RGS7: variants seen among roughly 807,000 people sequenced by gnomAD.
The protein encoded by RGS7 is regulator of G-protein signaling 7.
A neutral mutation model predicts 81.1 loss-of-function variants in RGS7; 27 were observed. That is an observed-to-expected ratio of 0.33 (90% CI 0.25 to 0.46). The LOEUF (loss-of-function observed/expected upper bound fraction) is 0.46. Among genes scored for constraint, RGS7 ranks in the 20% least tolerant of loss-of-function variants. The pLI, the probability that RGS7 is intolerant of heterozygous loss-of-function variation, is 1.00. For missense variants in RGS7, 396 were observed against 607.4 expected (o/e 0.65, Z 3.66); for synonymous variants, 208 against 207.7 (o/e 1.00, Z -0.01).
At position 241,151,646 on chromosome 1, in the gene RGS7, T is replaced by A. The variant is rs527377849; in HGVS notation, c.79-52884A>T. Reference sequence around the variant, plus strand: ...CAGTTTTGTTACATAGGTATACACATGCCATGGGTTTGCTGCACCCATCAA... The same window carrying A: ...CAGTTTTGTTACATAGGTATACACAAGCCATGGGTTTGCTGCACCCATCAA... On this transcript the variant is annotated intron_variant, in intron 2 of 18. Coordinates refer to ENST00000440928, the MANE Select transcript of RGS7 (RefSeq NM_001364886.1). 3.3e-5 allele frequency among the ~76,000 whole-genome samples: 5 copies of A among 149,828 alleles called. No homozygotes were observed. In the South Asian group the frequency reaches 1.1e-3, roughly 32 times the overall value.
intron 3 of RGS7, among the ~76,000 whole-genome samples, chr1:241,026,189 G>A (rs2059772211): frequency 6.6e-6 from 1 of 152,202 alleles, no homozygotes; most frequent in African/African-American, 2.4e-5. Context: ...CCTTCCCAGT[G>A]TCTAGTGGTG....
chr1:241,225,428 T>C (rs909957973), intron 2 of RGS7, among the ~76,000 whole-genome samples: 2 of 152,206 alleles, frequency 1.3e-5, no homozygotes, highest in African/African-American at 2.4e-5. Context: ...CAAATACTTA[T>C]TCAATACTTA....
chr1:241,045,142 A>T (rs1432204958), intron 3 of RGS7, among the ~76,000 whole-genome samples: 2 of 152,186 alleles, frequency 1.3e-5, no homozygotes, highest in Admixed American at 1.3e-4. Flanking sequence ...TCAGAACAGT[A>T]GATGATATAC....
In RGS7 at chr1:240,895,591, TCCATGTCCCTACAAAGG is replaced by T. The variant is rs1404477890; in HGVS notation, c.386-25489_386-25473del. Among the ~76,000 whole-genome samples the T allele has an allele frequency of 4.6e-5, 7 of 152,298 alleles. No homozygotes were observed. The East Asian group carries it at 1.4e-3, about 29-fold the overall frequency. On this transcript the variant is annotated intron_variant, in intron 6 of 18. Transcript: ENST00000440928. ...CTCAGAATGATGGTTACCAGCTTCATCCATGTCCCTACAAAGGACATGAACTCATCCTTTTTTATGGC... is the reference window on the plus strand; with the variant it reads ...CTCAGAATGATGGTTACCAGCTTCATACATGAACTCATCCTTTTTTATGGC...
At chr1:241,056,481 CT>C in intron 3 of RGS7, among the ~76,000 whole-genome samples, 1 of 152,186 alleles carries the variant, frequency 6.6e-6, no homozygotes, top group Admixed American at 6.5e-5. Context: ...CCACATTTCT[CT>C]GGTTTACTAC....
chr1:241,182,127 C>T (rs1185037670), intron 2 of RGS7, among the ~76,000 whole-genome samples: 1 of 152,114 alleles, frequency 6.6e-6, no homozygotes, highest in Non-Finnish European at 1.5e-5. Flanking sequence ...TGGTCCCGTG[C>T]TAATTCTGGG....
chr1:240,897,360 A>C (rs1265301399), intron 6 of RGS7, among the ~76,000 whole-genome samples: 2 of 152,192 alleles, frequency 1.3e-5, no homozygotes. Flanking sequence ...GTCTTGTGCC[A>C]GTTTTCAAAG....
In RGS7 at chr1:240,821,150, G is replaced by C. The variant is rs926989106; in HGVS notation, c.685-4735C>G. ...TGCCTGCCACAAGGTTTCAGACCAT[G>C]AATCAGAAAAGTCCCCTCTTGGCCG... On this transcript the variant is annotated intron_variant, in intron 10 of 18. Coordinates refer to ENST00000440928, the MANE Select transcript of RGS7 (RefSeq NM_001364886.1). 3.9e-5 allele frequency among the ~76,000 whole-genome samples: 6 copies of C among 152,120 alleles called. 1 individual carries two copies. Among genetic ancestry groups the C allele is most frequent in the Admixed American group, 3.9e-4 (6 of 15,272 alleles).
intron 3 of RGS7, among the ~76,000 whole-genome samples, chr1:241,015,198 G>T (rs2059159741): frequency 6.6e-6 from 1 of 152,134 alleles, no homozygotes; most frequent in Non-Finnish European, 1.5e-5. Flanking sequence ...ATAATCCTTT[G>T]GAAGCTGAGA....
rs142189735 is a variant in RGS7, at chr1:241,208,687, G to A, written c.79-109925C>T. On this transcript the variant is annotated intron_variant, in intron 2 of 18. Coordinates refer to ENST00000440928, the MANE Select transcript of RGS7 (RefSeq NM_001364886.1). ...CTTCATGCCAGCATCAGAAACAAGA[G>A]TCCAAACATCCTCGGCAACACTACA... 2.1e-3 allele frequency among the ~76,000 whole-genome samples: 316 copies of A among 152,194 alleles called. 2 individuals carry two copies. Among genetic ancestry groups the A allele is most frequent in the South Asian group, 3.5e-3 (17 of 4,824 alleles).
chr1:241,327,115 AAAG>A (rs1359283971), intron 2 of RGS7, among the ~76,000 whole-genome samples: 4 of 112,426 alleles, frequency 3.6e-5, no homozygotes, highest in East Asian at 2.5e-4. Flanking sequence ...AGAAAGAAAG[AAAG>A]AAAGAAAGAA....
In RGS7 at chr1:241,019,614, T is replaced by G. The variant is rs188016616; in HGVS notation, c.176-36485A>C. Among the ~76,000 whole-genome samples, 211 of 152,284 alleles carry G rather than the reference T, an allele frequency of 1.4e-3. 1 individual carries two copies. The highest frequency in any genetic ancestry group is 2.6e-3 in the Non-Finnish European group (178 of 68,022). On this transcript the variant is annotated intron_variant, in intron 3 of 18. Transcript: ENST00000440928. Reference sequence around the variant, plus strand: ...GAGTGAAAACATGCGGTGTTTGGTTTTCTGTCCTTGTGATAGTTTGCTGAG... The same window carrying G: ...GAGTGAAAACATGCGGTGTTTGGTTGTCTGTCCTTGTGATAGTTTGCTGAG...
chr1:241,011,466 A>G (rs2058952795), intron 3 of RGS7, among the ~76,000 whole-genome samples: 1 of 152,210 alleles, frequency 6.6e-6, no homozygotes, highest in African/African-American at 2.4e-5. Flanking sequence ...AAAACCAAGT[A>G]AAAAGTAAGA....
intron 2 of RGS7, among the ~76,000 whole-genome samples, chr1:241,285,985 T>C (rs2078786396): frequency 6.6e-6 from 1 of 152,228 alleles, no homozygotes; most frequent in South Asian, 2.1e-4. Context: ...AACCTCAAAA[T>C]GAGAGCCATG....
At chr1:240,992,760 C>A (rs1352442539) in intron 3 of RGS7, among the ~76,000 whole-genome samples, 1 of 149,834 alleles carries the variant, frequency 6.7e-6, no homozygotes, top group African/African-American at 2.5e-5. Flanking sequence ...GATGTAATTT[C>A]AATACCATGA....
chr1:241,047,463 C>T (rs898682461), intron 3 of RGS7, among the ~76,000 whole-genome samples: 35 of 152,190 alleles, frequency 2.3e-4, no homozygotes, highest in South Asian at 1.0e-3. Flanking sequence ...CTGTTAAACA[C>T]GTTTAAACAT....
chr1:241,247,173 A>T (rs987931017), intron 2 of RGS7, among the ~76,000 whole-genome samples: 3 of 152,148 alleles, frequency 2.0e-5, no homozygotes, highest in Non-Finnish European at 4.4e-5. Context: ...ACAAGGACCT[A>T]TCATGTCAGA....
rs191041082 is a variant in RGS7 at position 241,089,148 on chromosome 1, A to G, written c.175+9518T>C. On this transcript the variant is annotated intron_variant, in intron 3 of 18. Transcript: ENST00000440928. ...TCTCAACTGGGCATAGGGGAAAAGG[A>G]GGGAAAGCATTTTAGATGGAGGAAA... Among the ~76,000 whole-genome samples, 37 of 139,542 alleles carry G rather than the reference A, an allele frequency of 2.7e-4. No individual in the cohort carries two copies. The East Asian group carries it at 6.8e-3, about 25-fold the overall frequency. 91.5% of individuals were successfully genotyped at this position (139,542 alleles called of 152,430 possible).
chr1:240,809,912 C>T (rs550783622), intron 14 of RGS7, among the ~76,000 whole-genome samples: 79 of 152,074 alleles, frequency 5.2e-4, no homozygotes, highest in African/African-American at 1.5e-3. Flanking sequence ...TCTAATATTT[C>T]TTAGATATAA....
Sources: gnomAD v4.1 joint callset for allele counts (sites outside exome capture counted in the v4.1 genomes callset) on GRCh38, gnomAD v4.1.1 for gene constraint, MANE v1.5 for transcripts, NCBI Gene and HGNC (gene_info 2026-07-23, HGNC 2026-07-21) for gene names.